The following KANK1 variants were observed in gnomAD, a reference collection of about 807,000 sequenced individuals.
KANK1 encodes KN motif and ankyrin repeat domain-containing protein 1.
Under a neutral mutation model 106.2 loss-of-function variants are expected in KANK1, and 109 were observed. That is an observed-to-expected ratio of 1.03 (90% CI 0.88 to 1.20). The LOEUF (loss-of-function observed/expected upper bound fraction) is 1.20, where lower values mean the gene tolerates loss of function less well. Ranked by LOEUF, KANK1 falls within the 50% of genes most tolerant of loss-of-function variation. KANK1 has a pLI of 0.00. For missense variants in KANK1, 2,399 were observed against 1,710.7 expected (o/e 1.40, Z -7.10); for synonymous variants, 873 against 652.2 (o/e 1.34, Z -5.16).
Position 745,908 on chromosome 9 carries a change from C to T in KANK1, c.*673C>T, listed in dbSNP as rs902424241. On this transcript the variant is annotated 3_prime_UTR_variant, in exon 12 of 12. Coordinates refer to ENST00000382297, the MANE Select transcript of KANK1 (RefSeq NM_015158.5). ...GTAACATCATCATTTGTATTAATTG[C>T]ACAACTCCAATGCTAAAGGTTGGAT... The T allele has an allele frequency of 6.6e-6, 1 of 152,618 alleles. No homozygotes were observed. Among genetic ancestry groups the T allele is most frequent in the Non-Finnish European group, 1.5e-5 (1 of 68,048 alleles). 9.5% of individuals were successfully genotyped at this position (152,618 alleles called of 1,614,324 possible).
chr9:667,662 A>T (rs1379567392), intron 1 of KANK1, among the ~76,000 whole-genome samples: 1 of 149,574 alleles, frequency 6.7e-6, no homozygotes, highest in Non-Finnish European at 1.5e-5. Flanking sequence ...AAATGTTCTT[A>T]TTTCTTCATC....
At chr9:728,104 A>G (rs898736660) in intron 3 of KANK1, among the ~76,000 whole-genome samples, 1 of 152,234 alleles carries the variant, frequency 6.6e-6, no homozygotes, top group Non-Finnish European at 1.5e-5. Flanking sequence ...TGACTCTCCT[A>G]TAGCATCACA....
At chr9:594,459 T>TAA (rs1354733237) in intron 1 of KANK1, among the ~76,000 whole-genome samples, 1 of 151,890 alleles carries the variant, frequency 6.6e-6, no homozygotes. Flanking sequence ...ATGTAGGAGT[T>TAA]ATGATTTCTT....
At chr9:617,363 G>C (rs1771669888) in intron 1 of KANK1, among the ~76,000 whole-genome samples, 1 of 152,298 alleles carries the variant, frequency 6.6e-6, no homozygotes, top group East Asian at 1.9e-4. Context: ...GATTGGGGAG[G>C]AGGGGGGTTG....
At chr9:702,362 A>G (rs566687501) in intron 2 of KANK1, among the ~76,000 whole-genome samples, 1 of 152,252 alleles carries the variant, frequency 6.6e-6, no homozygotes, top group South Asian at 2.1e-4. Flanking sequence ...TTCTGCCTTT[A>G]ATTACTTTTC....
chr9:642,009 A>AG (rs1838569755), intron 1 of KANK1, among the ~76,000 whole-genome samples: 1 of 152,140 alleles, frequency 6.6e-6, no homozygotes, highest in African/African-American at 2.4e-5. Flanking sequence ...CACACCCCCC[A>AG]GCACTAGGCA....
At chr9:575,285 A>C (rs553415626) in intron 1 of KANK1, among the ~76,000 whole-genome samples, 134 of 152,358 alleles carry the variant, frequency 8.8e-4, no homozygotes, top group African/African-American at 3.0e-3. Context: ...GCACAGAGAA[A>C]GTTAGTACAG....
upstream of KANK1, among the ~76,000 whole-genome samples, chr9:504,400 G>A (rs1388720884): frequency 1.3e-5 from 2 of 151,794 alleles, no homozygotes; most frequent in Non-Finnish European, 2.9e-5. Context: ...TGGTGGAGTT[G>A]CAGCGGCGCG....
At chr9:718,244 T>G (rs1255272680) in intron 3 of KANK1, among the ~76,000 whole-genome samples, 1 of 147,782 alleles carries the variant, frequency 6.8e-6, no homozygotes, top group Non-Finnish European at 1.5e-5. Flanking sequence ...GTGGAAGGCC[T>G]AGAAGTCAGA....
upstream of KANK1, among the ~76,000 whole-genome samples, chr9:500,701 G>A (rs960056875): frequency 6.6e-6 from 1 of 152,178 alleles, no homozygotes; most frequent in Non-Finnish European, 1.5e-5. Flanking sequence ...ATTTAAAGGA[G>A]GGACCTAAAC....
rs200622342 is a variant in KANK1 at position 712,324 on chromosome 9, G to A, written c.1558G>A (p.Val520Met). Residue 520 changes from valine to methionine, a missense_variant, in exon 3 of 12, where the codon GTG (valine) becomes ATG (methionine). Transcript: ENST00000382297. ...TTTCAGTAAGGTGGTGGAGGCAGTGGTGCAGACCAGAGACCAAATGGTCGG... is the reference window on the plus strand; with the variant it reads ...TTTCAGTAAGGTGGTGGAGGCAGTGATGCAGACCAGAGACCAAATGGTCGG... ...LVFSKVVEAV[V>M]QTRDQMVGSH... The A allele has an allele frequency of 1.2e-4, 199 of 1,614,100 alleles. No individual in the cohort carries two copies. The highest frequency in any genetic ancestry group is 2.8e-5 in the Non-Finnish European group (33 of 1,180,050).
At chr9:727,192 T>C (rs1219778062) in intron 3 of KANK1, among the ~76,000 whole-genome samples, 1 of 152,234 alleles carries the variant, frequency 6.6e-6, no homozygotes, top group Non-Finnish European at 1.5e-5. Context: ...ACAATAGCCT[T>C]CTGTGTCTTT....
chr9:619,690 T>C (rs1184343073), intron 1 of KANK1, among the ~76,000 whole-genome samples: 4 of 152,214 alleles, frequency 2.6e-5, no homozygotes, highest in African/African-American at 9.6e-5. Context: ...AGATCAGCCG[T>C]ACTGTAATTT....
intron 1 of KANK1, among the ~76,000 whole-genome samples, chr9:610,136 A>C (rs896593678): frequency 2.0e-5 from 3 of 152,222 alleles, no homozygotes; most frequent in African/African-American, 7.2e-5. Flanking sequence ...TGAAATCTTC[A>C]GGCCATAATA....
At chr9:625,818 C>G (rs1459931772) in intron 1 of KANK1, among the ~76,000 whole-genome samples, 1 of 152,144 alleles carries the variant, frequency 6.6e-6, no homozygotes, top group Non-Finnish European at 1.5e-5. Flanking sequence ...TACTTAAAGT[C>G]TGTGACAGTT....
Position 740,833 on chromosome 9 carries a change from C to A in KANK1, c.3595C>A (p.Pro1199Thr), listed in dbSNP as rs765770414. The A allele has an allele frequency of 1.2e-6, 2 of 1,614,006 alleles. No homozygotes were observed. Among genetic ancestry groups the A allele is most frequent in the Admixed American group, 1.7e-5 (1 of 60,014 alleles). ...TCACCAGAACAAGGCAGGCTACACC[C>A]CCATCATGTTGGCGGCCCTCGCCGC... ...VDHQNKAGYT[P>T]IMLAALAAVE... The change falls in exon 9 of 12, where the codon CCC (proline) becomes ACC (threonine). Residue 1199 changes from proline (P) to threonine (T), a missense_variant. Pro to Thr is a conservative substitution (Grantham distance 38). Coordinates refer to ENST00000382297, the MANE Select transcript of KANK1 (RefSeq NM_015158.5).
chr9:574,624 A>G (rs1467475240), intron 1 of KANK1, among the ~76,000 whole-genome samples: 1 of 152,094 alleles, frequency 6.6e-6, no homozygotes, highest in Non-Finnish European at 1.5e-5. Context: ...TGGGAGGCTG[A>G]GGCGGGTGGA....
intron 1 of KANK1, among the ~76,000 whole-genome samples, chr9:633,473 CA>C (rs903879395): frequency 6.6e-6 from 1 of 151,602 alleles, no homozygotes; most frequent in Non-Finnish European, 1.5e-5. Context: ...CAAAACAAAA[CA>C]AAAAAAACAC....
chr9:508,598 C>G (rs979966535), intron 1 of KANK1, among the ~76,000 whole-genome samples: 1 of 146,280 alleles, frequency 6.8e-6, no homozygotes, highest in Non-Finnish European at 1.5e-5. Context: ...ACCGTTGTGC[C>G]AACTGTGGAT....
Sources: allele counts gnomAD v4.1 joint callset (sites outside exome capture counted in the v4.1 genomes callset), GRCh38; gene constraint gnomAD v4.1.1; transcripts MANE v1.5; gene names NCBI Gene and HGNC (gene_info 2026-07-23, HGNC 2026-07-21).